ZNF354C: variants seen among roughly 807,000 people sequenced by gnomAD.
The protein encoded by ZNF354C is KRAB-zinc finger protein synten.
Under a neutral mutation model 12.4 loss-of-function variants are expected in ZNF354C, and 7 were observed. The observed-to-expected ratio is 0.56, with a 90% CI of 0.32 to 1.06. The LOEUF (loss-of-function observed/expected upper bound fraction) is 1.06, where lower values mean the gene tolerates loss of function less well. Ranked by LOEUF, ZNF354C falls within the 50% of genes least tolerant of loss-of-function variation. ZNF354C has a pLI of 0.04. For missense variants in ZNF354C, 609 were observed against 658.0 expected, an observed-to-expected ratio of 0.93 and a Z score of 0.81; for synonymous variants, 202 against 224.5, an observed-to-expected ratio of 0.90 and a Z score of 0.90.
At chr5:179,061,992 C>G (rs953543607) in intron 1 of ZNF354C, 23 bp from the exon 2 acceptor site, 2 of 1,546,214 alleles carry the variant, frequency 1.3e-6, no homozygotes, top group South Asian at 1.1e-5. Flanking sequence ...CAGGGTTCCT[C>G]TTGACACCTT....
chr5:179,078,731 T>G lies in ZNF354C; in HGVS notation c.299T>G (p.Ile100Ser). The G allele has an allele frequency of 6.2e-7, 1 of 1,612,024 alleles. No individual in the cohort carries two copies. The highest frequency in any genetic ancestry group is 8.5e-7 in the Non-Finnish European group (1 of 1,179,512). ...GAAGCATTGCCTCATAGACAGGACA[T>G]TTTTATAGAAGAAACATCTCAGGGA... ...ETEALPHRQD[I>S]FIEETSQGMV... is the part of the protein sequence containing the mutation. Residue 100 changes from isoleucine (I) to serine (S), a missense_variant, in exon 5 of 5, where the codon ATT becomes AGT. Physicochemically the swap from Ile to Ser is moderately radical, Grantham distance 142. Transcript: ENST00000315475.
At chr5:179,069,475 A>G (rs543224707) in intron 2 of ZNF354C, among the ~76,000 whole-genome samples, 31 of 151,606 alleles carry the variant, frequency 2.0e-4, no homozygotes, top group South Asian at 1.0e-3. Flanking sequence ...AGGCAGGAGA[A>G]TCACTTGAAC....
intron 2 of ZNF354C, among the ~76,000 whole-genome samples, chr5:179,073,202 G>C (rs1300156455): frequency 6.6e-6 from 1 of 152,020 alleles, no homozygotes; most frequent in Non-Finnish European, 1.5e-5. Context: ...TACTCTTCAA[G>C]AATCAAGATG....
At position 179,083,047 on chromosome 5, in the gene ZNF354C, C is replaced by T. The variant is rs1049532; in HGVS notation, c.*2950C>T. 285,402 of 768,180 alleles carry T rather than the reference C, an allele frequency of 0.37. 56,498 individuals are homozygous for T. The highest frequency in any genetic ancestry group is 0.5 in the African/African-American group (28,647 of 57,114). 47.6% of individuals were successfully genotyped at this position (768,180 alleles called of 1,614,324 possible). A position where few individuals can be genotyped will look rare whatever the true frequency, so the allele number is the denominator to read the frequency against. ...TCTTGCACACATTCCACTGGCCCTA[C>T]GCAGGGGTGTGATGTTGTAAGCCAT... is the stretch of plus-strand genomic sequence containing the variant. On this transcript the variant is annotated 3_prime_UTR_variant, in exon 5 of 5. Coordinates refer to ENST00000315475, the MANE Select transcript of ZNF354C (RefSeq NM_014594.3).
intron 2 of ZNF354C, among the ~76,000 whole-genome samples, chr5:179,064,142 A>T (rs1024408525): frequency 1.3e-5 from 2 of 152,224 alleles, no homozygotes; most frequent in African/African-American, 4.8e-5. Context: ...GGGCAGAGGT[A>T]GGTTTGTTTG....
chr5:179,067,677 G>A (rs1288575763), intron 2 of ZNF354C, among the ~76,000 whole-genome samples: 3 of 152,282 alleles, frequency 2.0e-5, no homozygotes, highest in Admixed American at 6.5e-5. Context: ...GCAAAACTCC[G>A]TCTCTACTAA....
In ZNF354C at chr5:179,071,794, C is replaced by A. The variant is rs964216728; in HGVS notation, c.28-4651C>A. On this transcript the variant is annotated intron_variant, in intron 2 of 4. Coordinates refer to ENST00000315475, the MANE Select transcript of ZNF354C (RefSeq NM_014594.3). ...GAGAAGGGAAGCCCCAGATTCTGTG[C>A]ACAAACTCTGCCCAAATCTCTAGCT... 3.3e-5 allele frequency among the ~76,000 whole-genome samples: 5 copies of A among 152,166 alleles called. No homozygotes were observed. In the East Asian group the frequency reaches 7.7e-4, roughly 23 times the overall value.
rs539231840 is a variant in ZNF354C, at chr5:179,083,961, C to T, written c.*3864C>T. Among the ~76,000 whole-genome samples the T allele has an allele frequency of 2.0e-5, 3 of 152,248 alleles. No individual in the cohort carries two copies. Among genetic ancestry groups the T allele is most frequent in the South Asian group, 2.1e-4 (1 of 4,814 alleles). On this transcript the variant is annotated 3_prime_UTR_variant, in exon 5 of 5. Transcript: ENST00000315475. ...CTTTTCTTCCCTATCTATCTTCCTGCTACTTGGACCTGGAGGTGATGTATC... is the reference window on the plus strand; with the variant it reads ...CTTTTCTTCCCTATCTATCTTCCTGTTACTTGGACCTGGAGGTGATGTATC...
rs1428922306 is a variant in ZNF354C at position 179,082,011 on chromosome 5, A to G, written c.*1914A>G. On this transcript the variant is annotated 3_prime_UTR_variant, in exon 5 of 5. Transcript: ENST00000315475. ...GAAAGTAGAGAAAAAAGAAAACTCT[A>G]TACAATTATTTGAAGAATGTCTTCT... 2.0e-5 allele frequency: 3 copies of G among 152,230 alleles called. No individual in the cohort carries two copies. The highest frequency in any genetic ancestry group is 4.4e-5 in the Non-Finnish European group (3 of 68,042). 9.4% of individuals were successfully genotyped at this position (152,230 alleles called of 1,614,324 possible).
At chr5:179,061,931 T>A (rs1581113898) in intron 1 of ZNF354C, 84 bp from the exon 2 acceptor site, 2 of 924,918 alleles carry the variant, frequency 2.2e-6, no homozygotes, top group East Asian at 4.8e-5. Context: ...TGAGACCTGA[T>A]GGACATTATG....
chr5:179,067,507 G>T (rs2411986), intron 2 of ZNF354C, among the ~76,000 whole-genome samples: 2 of 152,186 alleles, frequency 1.3e-5, no homozygotes, highest in Non-Finnish European at 2.9e-5. Context: ...CAAAGAGCAC[G>T]TAAGATGAGA....
intron 2 of ZNF354C, 81 bp from the exon 3 acceptor site, chr5:179,076,364 A>G: frequency 6.3e-7 from 1 of 1,589,602 alleles, no homozygotes; most frequent in Non-Finnish European, 8.6e-7. Flanking sequence ...GATTTTCTGT[A>G]CATCCCACTG....
Position 179,078,729 on chromosome 5 carries a change from C to T in ZNF354C, c.297C>T (p.Asp99=). 2.5e-6 allele frequency: 4 copies of T among 1,611,726 alleles called. No individual in the cohort carries two copies. Among genetic ancestry groups the T allele is most frequent in the Non-Finnish European group, 3.4e-6 (4 of 1,179,436 alleles). ...LETEALPHRQ[D]IFIEETSQGM... ...CAGAAGCATTGCCTCATAGACAGGA[C>T]ATTTTTATAGAAGAAACATCTCAGG... is the stretch of plus-strand genomic sequence containing the variant. The change falls in exon 5 of 5, where the codon GAC becomes GAT. Residue 99 remains aspartate, a synonymous_variant. Coordinates refer to ENST00000315475, the MANE Select transcript of ZNF354C (RefSeq NM_014594.3).
chr5:179,076,936 G>A (rs1003831459), intron 3 of ZNF354C, 135 bp from the exon 4 acceptor site: 14 of 760,214 alleles, frequency 1.8e-5, no homozygotes, highest in Admixed American at 6.3e-5. Flanking sequence ...GTGCCCCTGC[G>A]AAGTGCTTGT....
At chr5:179,062,203 T>C in intron 2 of ZNF354C, 108 bp downstream of exon 2, 1 of 1,432,334 alleles carries the variant, frequency 7.0e-7, no homozygotes, top group Non-Finnish European at 9.8e-7. Flanking sequence ...ACCAAAACGA[T>C]GAAGAATCCG....
Position 179,080,246 on chromosome 5 carries a change from T to G in ZNF354C, c.*149T>G. On this transcript the variant is annotated 3_prime_UTR_variant, in exon 5 of 5. Transcript: ENST00000315475. Reference sequence around the variant, plus strand: ...TCATGATAAAATTGATCAGTGAGACTATGAAGAGCACTGACTTGTTAAATT... The same window carrying G: ...TCATGATAAAATTGATCAGTGAGACGATGAAGAGCACTGACTTGTTAAATT... The G allele has an allele frequency of 3.7e-6, 2 of 536,818 alleles. No homozygotes were observed. Among genetic ancestry groups the G allele is most frequent in the Non-Finnish European group, 6.4e-6 (2 of 314,632 alleles). 33.3% of individuals were successfully genotyped at this position (536,818 alleles called of 1,614,324 possible). A position where few individuals can be genotyped will look rare whatever the true frequency, so the allele number is the denominator to read the frequency against.
At chr5:179,067,057 A>G (rs4700779) in intron 2 of ZNF354C, among the ~76,000 whole-genome samples, 46,644 of 152,148 alleles carry the variant, frequency 0.31, 7,788 homozygotes, top group South Asian at 0.42. Flanking sequence ...GAAGATTTGG[A>G]ATATGAAATG....
At position 179,080,092 on chromosome 5, in the gene ZNF354C, GT is replaced by G; in HGVS notation, c.1663del (p.Ter555SerfsTer6). 6.5e-7 allele frequency: 1 copy of G among 1,549,060 alleles called. No homozygotes were observed. Reference sequence around the variant, plus strand: ...TTTTAAAGGAGATAAAGCCTATGAGGTTTAGTTCATCTCTCAAATAATCCAA... The same window carrying G: ...TTTTAAAGGAGATAAAGCCTATGAGGTTAGTTCATCTCTCAAATAATCCAA... ...RFFKGDKAYE[V>X] On this transcript the variant is annotated frameshift_variant, in exon 5 of 5. Transcript: ENST00000315475. LOFTEE classifies it high-confidence loss of function.
At chr5:179,062,849 C>T (rs908593573) in intron 2 of ZNF354C, among the ~76,000 whole-genome samples, 3 of 152,204 alleles carry the variant, frequency 2.0e-5, no homozygotes, top group African/African-American at 7.2e-5. Context: ...AGTTTAGCCT[C>T]TCTACCTGGG....
Sources: gnomAD v4.1 joint callset for allele counts (sites outside exome capture counted in the v4.1 genomes callset) on GRCh38, gnomAD v4.1.1 for gene constraint, MANE v1.5 for transcripts, NCBI Gene and HGNC (gene_info 2026-07-23, HGNC 2026-07-21) for gene names.